Variants in KRT6C observed in about 807,000 individuals in gnomAD.
KRT6C encodes keratin, type II cytoskeletal 6C.
In KRT6C, 46 loss-of-function variants were observed where a neutral mutation model predicts 49.4. The ratio of observed to expected loss-of-function variants is 0.93; its 90% confidence interval spans 0.74 to 1.19. KRT6C has a LOEUF of 1.19. Among genes scored for constraint, KRT6C ranks in the 50% most tolerant of loss-of-function variants. The pLI, the probability that KRT6C is intolerant of heterozygous loss-of-function variation, is 0.00. For missense variants in KRT6C, 552 were observed against 737.5 expected (o/e 0.75, Z 2.91); for synonymous variants, 236 against 297.1 (o/e 0.79, Z 2.12).
rs766201770 is a variant in KRT6C at position 52,472,148 on chromosome 12, G to A, written c.673C>T (p.Leu225=). The change falls in exon 2 of 9, where the codon CTG becomes TTG. Residue 225 remains leucine, a synonymous_variant. Coordinates refer to ENST00000252250, the MANE Select transcript of KRT6C (RefSeq NM_173086.5). ...EQYINNLRRQ[L]DSIVGERGRL... ...CCCCGTTCCCCGACGATGCTGTCCA[G>A]CTGCCTCCTGAGGTTGTTGATGTAC... The A allele has an allele frequency of 1.4e-4, 217 of 1,522,218 alleles. 18 individuals are homozygous for A. Among genetic ancestry groups the A allele is most frequent in the Non-Finnish European group, 1.9e-4 (209 of 1,103,960 alleles). 94.3% of individuals were successfully genotyped at this position (1,522,218 alleles called of 1,614,324 possible).
In KRT6C at chr12:52,469,817, T is replaced by C. The variant is rs762951488; in HGVS notation, c.1277A>G (p.Lys426Arg). The change falls in exon 7 of 9, where the codon AAG (lysine) becomes AGG (arginine). Residue 426 changes from lysine (K) to arginine (R), a missense_variant. Lys to Arg is a conservative substitution (Grantham distance 26). Coordinates refer to ENST00000252250, the MANE Select transcript of KRT6C (RefSeq NM_173086.5). ...CAGGGCATCCTCCAGCCCTTCCAGC[T>C]TGTTCTTAGCATCCTTGAGTGCCAT... ...GEMALKDAKN[K>R]LEGLEDALQK... 3 of 1,614,092 alleles carry C rather than the reference T, an allele frequency of 1.9e-6. No homozygotes were observed. In the South Asian group the frequency reaches 3.3e-5, roughly 18 times the overall value.
In KRT6C at chr12:52,471,150, C is replaced by A. The variant is rs142144008; in HGVS notation, c.1059G>T (p.Glu353Asp). The A allele has an allele frequency of 6.2e-7, 1 of 1,614,194 alleles. No homozygotes were observed. The highest frequency in any genetic ancestry group is 1.1e-5 in the South Asian group (1 of 91,078). ...EIAQRSRAEA[E>D]SWYQTKYEEL... ...TGCTCACCTTGGTCTGGTACCAGGACTCAGCCTCAGCCCGGCTCCTCTGAG... is the reference window on the plus strand; with the variant it reads ...TGCTCACCTTGGTCTGGTACCAGGAATCAGCCTCAGCCCGGCTCCTCTGAG... Residue 353 changes from glutamate (E) to aspartate (D), a missense_variant, in exon 5 of 9, where the codon GAG becomes GAT. By Grantham distance (45) the Glu-to-Asp change is conservative. Around this residue, in one of 3 missense-constraint regions of KRT6C, gnomAD observed 425 missense variants for 439.4 expected, o/e 0.97. Coordinates refer to ENST00000252250, the MANE Select transcript of KRT6C (RefSeq NM_173086.5).
rs202166218 is a variant in KRT6C at position 52,468,952 on chromosome 12, C to G, written c.*110G>C. Reference sequence around the variant, plus strand: ...TAAGCATCCATACCCAGCTCTACCTCGGAGAGCAGGGAAGACTAGAGGCCA... The same window carrying G: ...TAAGCATCCATACCCAGCTCTACCTGGGAGAGCAGGGAAGACTAGAGGCCA... On this transcript the variant is annotated 3_prime_UTR_variant, in exon 9 of 9. Coordinates refer to ENST00000252250, the MANE Select transcript of KRT6C (RefSeq NM_173086.5). The G allele has an allele frequency of 1.4e-6, 2 of 1,391,280 alleles. No individual in the cohort carries two copies. The highest frequency in any genetic ancestry group is 2.0e-6 in the Non-Finnish European group (2 of 995,562). The allele number at this position is 1,391,280 out of a possible 1,614,324, so 86.2% of individuals were successfully genotyped here.
chr12:52,471,471 C>T lies in KRT6C; in HGVS notation c.862G>A (p.Ala288Thr), dbSNP rs769209318. ...TTGATCTCATCTGTGAGAGTGTCTGCCTTGGCTTGCAGTTCAACCTTGTTC... is the reference window on the plus strand; with the variant it reads ...TTGATCTCATCTGTGAGAGTGTCTGTCTTGGCTTGCAGTTCAACCTTGTTC... ...YMNKVELQAK[A>T]DTLTDEINFL... Residue 288 changes from alanine to threonine, a missense_variant, in exon 4 of 9, where the codon GCA becomes ACA. Transcript: ENST00000252250. The T allele has an allele frequency of 3.1e-6, 5 of 1,613,706 alleles. No individual in the cohort carries two copies. The highest frequency in any genetic ancestry group is 3.3e-5 in the Admixed American group (2 of 59,980).
Position 52,471,656 on chromosome 12 carries a change from G to A in KRT6C, c.816+16C>T, listed in dbSNP as rs755776362. ...TCCTTCTAAATGAATTTGAACCCCC[G>A]GCTTCATCTGCTCACCTTCTTCAGA... On this transcript the variant is annotated intron_variant, in intron 3 of 8. Transcript: ENST00000252250. The A allele has an allele frequency of 3.5e-5, 56 of 1,610,866 alleles. No individual in the cohort carries two copies. Among genetic ancestry groups the A allele is most frequent in the Admixed American group, 2.5e-4 (15 of 59,702 alleles).
chr12:52,473,081 T>G lies in KRT6C; in HGVS notation c.540+117A>C, dbSNP rs1417328066. ...TGCACCGAGAGCCACCTGCACTCTCTGCAGAGCTGGGCTGAATCCCCTTCT... is the reference window on the plus strand; with the variant it reads ...TGCACCGAGAGCCACCTGCACTCTCGGCAGAGCTGGGCTGAATCCCCTTCT... On this transcript the variant is annotated intron_variant, in intron 1 of 8. Transcript: ENST00000252250. The G allele has an allele frequency of 3.9e-6, 5 of 1,274,496 alleles. No homozygotes were observed. In the East Asian group the frequency reaches 1.5e-4, roughly 39 times the overall value. 78.9% of individuals were successfully genotyped at this position (1,274,496 alleles called of 1,614,324 possible).
In KRT6C at chr12:52,469,311, G is replaced by A. The variant is rs758128419; in HGVS notation, c.1460-14C>T. Reference sequence around the variant, plus strand: ...ACTGTACTACAGCTGTGGTGGGGAGGGGACAAGGACACAAGAAGCCACGGT... The same window carrying A: ...ACTGTACTACAGCTGTGGTGGGGAGAGGACAAGGACACAAGAAGCCACGGT... On this transcript the variant is annotated splice_polypyrimidine_tract_variant and intron_variant, in intron 8 of 8. Transcript: ENST00000252250. 3 of 1,613,984 alleles carry A rather than the reference G, an allele frequency of 1.9e-6. No homozygotes were observed. The South Asian group carries it at 3.3e-5, about 18-fold the overall frequency.
chr12:52,468,695 A>T lies in KRT6C; in HGVS notation c.*367T>A. On this transcript the variant is annotated 3_prime_UTR_variant, in exon 9 of 9. Transcript: ENST00000252250. ...TGGGGGCCAATGGAAAATAAGTGGAAGTTGTTCTGAAATAAGCCCCAGGCG... is the reference window on the plus strand; with the variant it reads ...TGGGGGCCAATGGAAAATAAGTGGATGTTGTTCTGAAATAAGCCCCAGGCG... 1 of 284,702 alleles carries T rather than the reference A, an allele frequency of 3.5e-6. No individual in the cohort carries two copies. The highest frequency in any genetic ancestry group is 5.0e-5 in the South Asian group (1 of 19,910). 17.6% of individuals were successfully genotyped at this position (284,702 alleles called of 1,614,324 possible).
Position 52,468,698 on chromosome 12 carries a change from T to A in KRT6C, c.*364A>T. 3.5e-6 allele frequency: 1 copy of A among 286,888 alleles called. No individual in the cohort carries two copies. The allele number at this position is 286,888 out of a possible 1,614,324, so 17.8% of individuals were successfully genotyped here. On this transcript the variant is annotated 3_prime_UTR_variant, in exon 9 of 9. Transcript: ENST00000252250. ...GGGCCAATGGAAAATAAGTGGAAGT[T>A]GTTCTGAAATAAGCCCCAGGCGATT...
Position 52,471,442 on chromosome 12 carries a change from G to A in KRT6C, c.891C>T (p.Phe297=), listed in dbSNP as rs148330805. 1.5e-4 allele frequency: 244 copies of A among 1,613,902 alleles called. 1 individual carries two copies. In the East Asian group the frequency reaches 4.3e-3, roughly 28 times the overall value. ...KADTLTDEIN[F]LRALYDAELS... ...TTACTGCATCATACAAGGCTCTCAG[G>A]AAGTTGATCTCATCTGTGAGAGTGT... Residue 297 remains phenylalanine, a synonymous_variant, in exon 4 of 9, where the codon TTC becomes TTT. Coordinates refer to ENST00000252250, the MANE Select transcript of KRT6C (RefSeq NM_173086.5).
chr12:52,469,953 T>A, intron 6 of KRT6C, 63 bp from the exon 7 acceptor site: 1 of 1,589,368 alleles, frequency 6.3e-7, no homozygotes, highest in Non-Finnish European at 8.6e-7. Context: ...CTGGCCCTTG[T>A]TTAGTGAACC....
At chr12:52,470,481 T>G (rs765355561) in intron 6 of KRT6C, 24 bp downstream of exon 6, 14 of 1,614,170 alleles carry the variant, frequency 8.7e-6, no homozygotes, top group Non-Finnish European at 1.2e-5. Context: ...TGATGCTTCT[T>G]TCCTCCACTG....
In KRT6C at chr12:52,468,763, G is replaced by T; in HGVS notation, c.*299C>A. The T allele has an allele frequency of 2.4e-6, 1 of 421,608 alleles. No homozygotes were observed. The allele number at this position is 421,608 out of a possible 1,614,324, so 26.1% of individuals were successfully genotyped here. On this transcript the variant is annotated 3_prime_UTR_variant, in exon 9 of 9. Coordinates refer to ENST00000252250, the MANE Select transcript of KRT6C (RefSeq NM_173086.5). The stretch of plus-strand genomic sequence containing the variant: ...GGAACAGAGATCATTTTCTTATAAT[G>T]CTCAGCCTCAGAGAGAACAATTTTG...
At position 52,470,091 on chromosome 12, in the gene KRT6C, C is replaced by T. The variant is rs1220242654; in HGVS notation, c.1204-201G>A. 3 of 687,376 alleles carry T rather than the reference C, an allele frequency of 4.4e-6. No homozygotes were observed. In the African/African-American group the frequency reaches 5.4e-5, roughly 12 times the overall value. The allele number at this position is 687,376 out of a possible 1,614,324, so 42.6% of individuals were successfully genotyped here. On this transcript the variant is annotated intron_variant, in intron 6 of 8. Coordinates refer to ENST00000252250, the MANE Select transcript of KRT6C (RefSeq NM_173086.5). ...AGTCCTATGCCCCTTGTATTAAGCA[C>T]CCGCATGAGAATGTGCGTTGCATCT...
chr12:52,470,753 G>A, intron 5 of KRT6C, 123 bp from the exon 6 acceptor site: 1 of 1,602,794 alleles, frequency 6.2e-7, no homozygotes, highest in South Asian at 1.1e-5. Flanking sequence ...AGAAACTTGA[G>A]GAAAAGTTGA....
rs528568594 is a variant in KRT6C, at chr12:52,468,881, T to C, written c.*181A>G. 6 of 680,230 alleles carry C rather than the reference T, an allele frequency of 8.8e-6. No individual in the cohort carries two copies. Among genetic ancestry groups the C allele is most frequent in the South Asian group, 1.9e-5 (1 of 51,528 alleles). 42.1% of individuals were successfully genotyped at this position (680,230 alleles called of 1,614,324 possible). On this transcript the variant is annotated 3_prime_UTR_variant, in exon 9 of 9. Transcript: ENST00000252250. Reference sequence around the variant, plus strand: ...CAAAGGTTGATCTGATGGTGAGCAATGGGTGCTCAGATGGGGCAGGTATAG... The same window carrying C: ...CAAAGGTTGATCTGATGGTGAGCAACGGGTGCTCAGATGGGGCAGGTATAG...
chr12:52,473,402 C>A lies in KRT6C; in HGVS notation c.336G>T (p.Leu112=), dbSNP rs532818119. The part of the protein sequence containing the change: ...FGGGAGIGFG[L]GGGAGLAGGF... ...CACCAGCAAGGCCGGCTCCACCACC[C>A]AGACCAAAGCCAATGCCGGCTCCAC... is the stretch of plus-strand genomic sequence containing the variant. Residue 112 remains leucine (L), a synonymous_variant, in exon 1 of 9, where the codon CTG becomes CTT. Coordinates refer to ENST00000252250, the MANE Select transcript of KRT6C (RefSeq NM_173086.5). 23 of 1,342,872 alleles carry A rather than the reference C, an allele frequency of 1.7e-5. No homozygotes were observed. The African/African-American group carries it at 3.1e-4, about 18-fold the overall frequency. The allele number at this position is 1,342,872 out of a possible 1,614,324, so 83.2% of individuals were successfully genotyped here.
Position 52,473,769 on chromosome 12 carries a change from G to A in KRT6C, c.-32C>T, listed in dbSNP as rs773898260. On this transcript the variant is annotated 5_prime_UTR_variant, in exon 1 of 9. In the 5' UTR this introduces an upstream ATG that the reference lacks. Transcript: ENST00000252250. The stretch of plus-strand genomic sequence containing the variant: ...AGGAGATGAGAGGGCTGTGGCGAGC[G>A]TTGGAGGCTGGAGGCGAGAGGCAGG... The A allele has an allele frequency of 2.7e-5, 44 of 1,614,066 alleles. No homozygotes were observed. The highest frequency in any genetic ancestry group is 6.7e-5 in the East Asian group (3 of 44,866).
At chr12:52,470,658 A>G (rs1565808470) in intron 5 of KRT6C, 28 bp from the exon 6 acceptor site, 1 of 1,613,666 alleles carries the variant, frequency 6.2e-7, no homozygotes, top group Non-Finnish European at 8.5e-7. Flanking sequence ...AGAGAGAGAC[A>G]GTGTCTACGG....
Sources: allele counts gnomAD v4.1 joint callset, GRCh38; gene constraint gnomAD v4.1.1; regional missense constraint gnomAD v4.1.1; transcripts MANE v1.5; gene names NCBI Gene and HGNC (gene_info 2026-07-23, HGNC 2026-07-21).